The following BRD8 variants were observed in gnomAD, a reference collection of about 807,000 sequenced individuals.
BRD8 encodes bromodomain containing 8, also known as bromodomain-containing protein 8.
A neutral mutation model predicts 143.1 loss-of-function variants in BRD8; 67 were observed. The ratio of observed to expected loss-of-function variants is 0.47; its 90% CI spans 0.38 to 0.57. The LOEUF (loss-of-function observed/expected upper bound fraction) is 0.57. Among genes scored for constraint, BRD8 ranks in the 20% least tolerant of loss-of-function variants. The probability of loss-of-function intolerance (pLI) is 0.00; values close to 1 mark genes in which losing one functional copy is unlikely to be tolerated. For missense variants in BRD8, 1,103 were observed against 1,503.0 expected, an observed-to-expected ratio of 0.73 and a Z score of 4.40; for synonymous variants, 505 against 517.1, an observed-to-expected ratio of 0.98 and a Z score of 0.32.
chr5:138,161,233 C>G (rs1216289564), intron 17 of BRD8, 165 bp from the exon 18 acceptor site: 2 of 540,142 alleles, frequency 3.7e-6, no homozygotes, highest in Admixed American at 3.6e-5. Context: ...ACCCAAGAAA[C>G]AATCTATATA....
chr5:138,169,338 G>C lies in BRD8; in HGVS notation c.526C>G (p.Pro176Ala), dbSNP rs756029460. The C allele has an allele frequency of 5.0e-6, 8 of 1,613,814 alleles. No homozygotes were observed. Among genetic ancestry groups the C allele is most frequent in the East Asian group, 2.2e-5 (1 of 44,896 alleles). The change falls in exon 8 of 27, where the codon CCC (proline) becomes GCC (alanine). Residue 176 changes from proline to alanine, a missense_variant. Physicochemically the swap from Pro to Ala is conservative, Grantham distance 27 (BLOSUM62 -1). Around this residue, in one of 7 missense-constraint regions of BRD8, gnomAD observed 334 missense variants for 372.5 expected, o/e 0.90. Coordinates refer to ENST00000254900, the MANE Select transcript of BRD8 (RefSeq NM_139199.2). The stretch of plus-strand genomic sequence containing the variant: ...ATCACAGTGGGTAACCTCCGGGGGG[G>C]TGTTTTTACTGCTTGACGAGCTAGA... The part of the protein sequence containing the change: ...AYQARQAVKT[P>A]PRRLPTVMVR...
rs1333042267 is a variant in BRD8, at chr5:138,140,864, G to T, written c.3456C>A (p.Ser1152Arg). ...DVVKRPMDLT[S>R]LKRNLSKGRI... ...GACCCTTAGAGAGATTTCTCTTCAG[G>T]CTAGTTAAGTCCATGGGTCTGCAGG... The change falls in exon 26 of 27, where the codon AGC becomes AGA. Residue 1152 changes from serine (S) to arginine (R), a missense_variant. Around this residue, in one of 7 missense-constraint regions of BRD8, gnomAD observed 369 missense variants for 445.5 expected, o/e 0.83. Transcript: ENST00000254900. The T allele has an allele frequency of 6.2e-7, 1 of 1,614,026 alleles. No individual in the cohort carries two copies. Among genetic ancestry groups the T allele is most frequent in the Non-Finnish European group, 8.5e-7 (1 of 1,180,046 alleles).
At chr5:138,164,521 C>G in intron 12 of BRD8, 108 bp from the exon 13 acceptor site, 1 of 1,242,708 alleles carries the variant, frequency 8.0e-7, no homozygotes, top group Non-Finnish European at 1.2e-6. Context: ...CTAAGTCCTA[C>G]TCATGTAATG....
At chr5:138,164,457 G>A (rs752761669) in intron 12 of BRD8, 44 bp from the exon 13 acceptor site, 22 of 1,550,280 alleles carry the variant, frequency 1.4e-5, no homozygotes, top group South Asian at 4.5e-5. Flanking sequence ...CTGATAAATC[G>A]CTATAGCTCA....
At chr5:138,154,597 C>T (rs1752499315) in intron 20 of BRD8, among the ~76,000 whole-genome samples, 1 of 152,124 alleles carries the variant, frequency 6.6e-6, no homozygotes, top group African/African-American at 2.4e-5. Context: ...TAATTGAATA[C>T]CTTTCCATTG....
intron 23 of BRD8, among the ~76,000 whole-genome samples, chr5:138,147,855 C>T (rs901292637): frequency 6.6e-6 from 1 of 151,942 alleles, no homozygotes; most frequent in African/African-American, 2.4e-5. Context: ...AGAGGATCAC[C>T]TGAGCCCAGG....
Position 138,164,068 on chromosome 5 carries a change from A to G in BRD8, c.1872+19T>C, listed in dbSNP as rs374501209. ...AATCTAATCACATGGCAAGAGGAAT[A>G]AAGAAAAGTCTGAAATACCTTTATC... On this transcript the variant is annotated intron_variant, in intron 14 of 26. Transcript: ENST00000254900. 2 of 1,611,060 alleles carry G rather than the reference A, an allele frequency of 1.2e-6. No homozygotes were observed. The highest frequency in any genetic ancestry group is 1.7e-5 in the Admixed American group (1 of 60,002).
chr5:138,174,917 T>C (rs991726676), intron 2 of BRD8, among the ~76,000 whole-genome samples: 11 of 148,384 alleles, frequency 7.4e-5, no homozygotes, highest in Non-Finnish European at 1.0e-4. Context: ...TGAGATGGCG[T>C]CTTGCTCTGT....
chr5:138,161,671 C>T, intron 17 of BRD8, 125 bp downstream of exon 17: 1 of 850,218 alleles, frequency 1.2e-6, no homozygotes, highest in Non-Finnish European at 1.9e-6. Context: ...GTTTAGCACT[C>T]AGTGCCCCTT....
chr5:138,164,587 A>C (rs1290131643), intron 12 of BRD8, 127 bp downstream of exon 12: 3 of 1,213,490 alleles, frequency 2.5e-6, no homozygotes, highest in Non-Finnish European at 3.5e-6. Context: ...ATCACAGCCT[A>C]TGGGCTTTGG....
intron 14 of BRD8, 87 bp downstream of exon 14, chr5:138,164,000 A>T: frequency 1.4e-6 from 2 of 1,446,384 alleles, no homozygotes; most frequent in Non-Finnish European, 9.7e-7. Context: ...GAGAATAAAG[A>T]TGTGACTTTA....
At position 138,164,139 on chromosome 5, in the gene BRD8, G is replaced by A. The variant is rs766551987; in HGVS notation, c.1826-6C>T. On this transcript the variant is annotated splice_region_variant and splice_polypyrimidine_tract_variant and intron_variant, in intron 13 of 26. Transcript: ENST00000254900. ...TGATTCTTCTTTCAATGAGTCTGCAGAGGAGAGAAAGACTACCTGAAGATT... is the reference window on the plus strand; with the variant it reads ...TGATTCTTCTTTCAATGAGTCTGCAAAGGAGAGAAAGACTACCTGAAGATT... 1 of 1,613,972 alleles carries A rather than the reference G, an allele frequency of 6.2e-7. No individual in the cohort carries two copies. Among genetic ancestry groups the A allele is most frequent in the Admixed American group, 1.7e-5 (1 of 60,012 alleles).
chr5:138,161,669 C>T, intron 17 of BRD8, 127 bp downstream of exon 17: 1 of 838,490 alleles, frequency 1.2e-6, no homozygotes, highest in Non-Finnish European at 1.9e-6. Context: ...CAGTTTAGCA[C>T]TCAGTGCCCC....
Position 138,168,087 on chromosome 5 carries a change from G to A in BRD8, c.643-9C>T. On this transcript the variant is annotated splice_polypyrimidine_tract_variant and intron_variant, in intron 8 of 26. Transcript: ENST00000254900. ...ATTTCACTCTCATTGACCTACCAGG[G>A]AAGAATAGAGGTGAAGGCTACACTC... is the stretch of plus-strand genomic sequence containing the variant. The A allele has an allele frequency of 1.2e-6, 2 of 1,606,522 alleles. No individual in the cohort carries two copies. The highest frequency in any genetic ancestry group is 1.7e-6 in the Non-Finnish European group (2 of 1,174,834).
intron 21 of BRD8, among the ~76,000 whole-genome samples, chr5:138,151,937 C>T (rs1581411284): frequency 6.6e-6 from 1 of 151,660 alleles, no homozygotes; most frequent in South Asian, 2.1e-4. Context: ...TCACTGCAAC[C>T]TCCGCCTCTC....
chr5:138,143,097 C>A (rs1238857164), intron 25 of BRD8, among the ~76,000 whole-genome samples: 1 of 152,016 alleles, frequency 6.6e-6, no homozygotes, highest in East Asian at 1.9e-4. Flanking sequence ...CAAGCCTGGG[C>A]ACCATGGTGA....
At position 138,165,943 on chromosome 5, in the gene BRD8, A is replaced by C; in HGVS notation, c.1163T>G (p.Ile388Arg). Residue 388 changes from isoleucine to arginine, a missense_variant, in exon 11 of 27, where the codon ATA becomes AGA. Physicochemically the swap from Ile to Arg is moderately conservative, Grantham distance 97. Transcript: ENST00000254900. ...EAPVGSKAPS[I>R]DGKEELDLAE... ...CAGATCTAATTCTTCCTTCCCATCT[A>C]TGCTGGGAGCCTTTGATCCAACAGG... The C allele has an allele frequency of 1.2e-6, 2 of 1,614,166 alleles. No homozygotes were observed. Among genetic ancestry groups the C allele is most frequent in the Non-Finnish European group, 1.7e-6 (2 of 1,180,034 alleles).
rs563400653 is a variant in BRD8 at position 138,151,018 on chromosome 5, A to G, written c.2857-10T>C. 2.5e-5 allele frequency: 40 copies of G among 1,607,796 alleles called. No individual in the cohort carries two copies. In the South Asian group the frequency reaches 4.1e-4, roughly 16 times the overall value. ...CCATTAAATAAGCTACCTGCAATCA[A>G]AGTTTATTATTAGATGCACAGGAAC... On this transcript the variant is annotated splice_polypyrimidine_tract_variant and intron_variant, in intron 21 of 26. Coordinates refer to ENST00000254900, the MANE Select transcript of BRD8 (RefSeq NM_139199.2).
Position 138,164,694 on chromosome 5 carries a change from C to G in BRD8, c.1731+20G>C, listed in dbSNP as rs768126572. ...AAGGTATAAACCTCCATCTCCCCAG[C>G]CCCGATCTTTCTTAAGTACCTCTGT... On this transcript the variant is annotated intron_variant, in intron 12 of 26. Coordinates refer to ENST00000254900, the MANE Select transcript of BRD8 (RefSeq NM_139199.2). 6.2e-7 allele frequency: 1 copy of G among 1,612,716 alleles called. No homozygotes were observed. Among genetic ancestry groups the G allele is most frequent in the South Asian group, 1.1e-5 (1 of 90,822 alleles).
Sources: allele counts gnomAD v4.1 joint callset (sites outside exome capture counted in the v4.1 genomes callset), GRCh38; gene constraint gnomAD v4.1.1; regional missense constraint gnomAD v4.1.1; transcripts MANE v1.5; gene names NCBI Gene and HGNC (gene_info 2026-07-23, HGNC 2026-07-21).